CD9: variants seen among roughly 807,000 people sequenced by gnomAD.
CD9 encodes CD9 molecule, also known as CD9 antigen.
CD9 carries 10 observed loss-of-function variants against 31.4 expected under a neutral mutation model. The observed-to-expected ratio is 0.32, with a 90% CI of 0.20 to 0.54. CD9 has a LOEUF of 0.54. CD9 is among the 20% of genes least tolerant of loss of function. CD9 has a pLI of 0.94. For missense variants in CD9, 259 were observed against 300.1 expected (o/e 0.86, Z 1.01); for synonymous variants, 113 against 114.1 (o/e 0.99, Z 0.06).
chr12:6,230,357 TTC>T (rs1946427387), intron 2 of CD9, among the ~76,000 whole-genome samples: 4 of 152,260 alleles, frequency 2.6e-5, no homozygotes, highest in Admixed American at 2.0e-4. Flanking sequence ...TAGGAGCATG[TTC>T]TCTTTCTCTG....
intron 1 of CD9, among the ~76,000 whole-genome samples, chr12:6,209,481 A>G (rs1321341239): frequency 1.3e-5 from 2 of 152,066 alleles, no homozygotes; most frequent in African/African-American, 2.4e-5. Flanking sequence ...CCTGCTCTCC[A>G]TGGTGCAATG....
chr12:6,236,653 A>T (rs1476313469), intron 7 of CD9: 1 of 420,774 alleles, frequency 2.4e-6, no homozygotes, highest in East Asian at 3.4e-5. Context: ...GAATTGTTCC[A>T]TTTCCTGAAG....
intron 1 of CD9, among the ~76,000 whole-genome samples, chr12:6,204,639 C>G (rs1243248383): frequency 6.6e-6 from 1 of 152,230 alleles, no homozygotes; most frequent in African/African-American, 2.4e-5. Flanking sequence ...GTCTCATCAC[C>G]AGATGGGGCT....
chr12:6,228,178 G>A (rs776460747), intron 2 of CD9, among the ~76,000 whole-genome samples: 1 of 152,214 alleles, frequency 6.6e-6, no homozygotes, highest in East Asian at 1.9e-4. Flanking sequence ...GAGCTTTGAA[G>A]ACTTCGTTCT....
At chr12:6,200,028 G>C (rs1305160516), upstream of CD9, 2 of 152,262 alleles carry the variant, frequency 1.3e-5, no homozygotes, top group Non-Finnish European at 2.9e-5. Flanking sequence ...GCCCGGTCCG[G>C]CGCCCAGACC....
rs1345306868 is a variant in CD9, at chr12:6,228,579, AAAC to A, written c.175+3047_175+3049del. Among the ~76,000 whole-genome samples, 222 of 151,178 alleles carry A rather than the reference AAAC, an allele frequency of 1.5e-3. 1 individual carries two copies. The East Asian group carries it at 0.038, about 26-fold the overall frequency. On this transcript the variant is annotated intron_variant, in intron 2 of 7. Transcript: ENST00000009180. ...ATCTCAAAAAAAAAAAAAAAAAAAA[AAAC>A]AGCAGCACAGCACTCTGAGCACTGC... is the stretch of plus-strand genomic sequence containing the variant.
At chr12:6,222,346 G>T (rs1033946051) in intron 1 of CD9, among the ~76,000 whole-genome samples, 2 of 152,184 alleles carry the variant, frequency 1.3e-5, no homozygotes, top group Non-Finnish European at 2.9e-5. Context: ...CATGCCCCTG[G>T]CCCTCCCTTT....
At chr12:6,227,016 G>T (rs755659779) in intron 2 of CD9, among the ~76,000 whole-genome samples, 3 of 152,124 alleles carry the variant, frequency 2.0e-5, no homozygotes, top group Non-Finnish European at 4.4e-5. Flanking sequence ...TGGCCGGCGC[G>T]TGTGTCTCCA....
chr12:6,219,442 G>A (rs1464013327), intron 1 of CD9, among the ~76,000 whole-genome samples: 4 of 152,078 alleles, frequency 2.6e-5, no homozygotes, highest in Non-Finnish European at 5.9e-5. Flanking sequence ...CCTTAATGGG[G>A]CTTCCTTAGT....
chr12:6,224,053 G>A (rs887999440), intron 1 of CD9, among the ~76,000 whole-genome samples: 2 of 152,194 alleles, frequency 1.3e-5, no homozygotes, highest in Admixed American at 1.3e-4. Context: ...CTGCCCTAAG[G>A]TGCGGCTGAG....
chr12:6,235,598 C>T, intron 6 of CD9, 33 bp downstream of exon 6: 2 of 1,584,164 alleles, frequency 1.3e-6, no homozygotes, highest in South Asian at 1.2e-5. Context: ...GTGTCCCTGC[C>T]CCCATTGCTC....
At chr12:6,217,048 G>C (rs1946250780) in intron 1 of CD9, among the ~76,000 whole-genome samples, 2 of 152,154 alleles carry the variant, frequency 1.3e-5, no homozygotes, top group Admixed American at 1.3e-4. Flanking sequence ...AACGAGGACT[G>C]TAACGTTCAG....
chr12:6,213,799 G>C (rs1946216136), intron 1 of CD9, among the ~76,000 whole-genome samples: 1 of 152,172 alleles, frequency 6.6e-6, no homozygotes. Context: ...TGGCGGGAGA[G>C]AACAAACCCA....
At chr12:6,202,539 G>A (rs1946088662) in intron 1 of CD9, among the ~76,000 whole-genome samples, 1 of 152,250 alleles carries the variant, frequency 6.6e-6, no homozygotes, top group Non-Finnish European at 1.5e-5. Flanking sequence ...AACACAGACT[G>A]CCACAGTGTG....
chr12:6,222,481 A>G (rs1302177664), intron 1 of CD9, among the ~76,000 whole-genome samples: 1 of 152,146 alleles, frequency 6.6e-6, no homozygotes, highest in Non-Finnish European at 1.5e-5. Flanking sequence ...TTGTAGTGAA[A>G]TGTTGTAGCT....
Position 6,237,957 on chromosome 12 carries a change from T to A in CD9, c.*129T>A. ...CACTAATTTTAGTATTCATTCTGCA[T>A]TGCTAGATAAAAGCTGAAGTTACTT... On this transcript the variant is annotated 3_prime_UTR_variant, in exon 8 of 8. Transcript: ENST00000009180. 1.6e-6 allele frequency: 1 copy of A among 626,692 alleles called. No homozygotes were observed. The highest frequency in any genetic ancestry group is 2.9e-6 in the Non-Finnish European group (1 of 349,320). The allele number at this position is 626,692 out of a possible 1,614,324, so 38.8% of individuals were successfully genotyped here.
chr12:6,221,376 C>G (rs1481315877), intron 1 of CD9, among the ~76,000 whole-genome samples: 2 of 152,202 alleles, frequency 1.3e-5, no homozygotes, highest in African/African-American at 4.8e-5. Context: ...GGGCATACTA[C>G]AGGTTGCCAT....
chr12:6,228,558 CAAAAAAAAAA>C (rs5796224), intron 2 of CD9, among the ~76,000 whole-genome samples: 189 of 68,352 alleles, frequency 2.8e-3, no homozygotes, highest in Admixed American at 0.022. Context: ...GACTCCATCT[CAAAAAAAAAA>C]AAAAAAAAAA....
At chr12:6,220,180 G>A (rs1313270783) in intron 1 of CD9, among the ~76,000 whole-genome samples, 1 of 152,182 alleles carries the variant, frequency 6.6e-6, no homozygotes, top group Non-Finnish European at 1.5e-5. Context: ...TTGCATGGGA[G>A]GAATGGGAGG....
Sources: gnomAD v4.1 joint callset for allele counts (sites outside exome capture counted in the v4.1 genomes callset) on GRCh38, gnomAD v4.1.1 for gene constraint, MANE v1.5 for transcripts, NCBI Gene and HGNC (gene_info 2026-07-23, HGNC 2026-07-21) for gene names.